ADGRG4: variants seen among roughly 807,000 people sequenced by gnomAD.
ADGRG4 encodes adhesion G protein-coupled receptor G4, also known as G protein-coupled receptor 112.
In ADGRG4, 122 loss-of-function variants were observed where a neutral mutation model predicts 126.2. The ratio of observed to expected loss-of-function variants is 0.97; its 90% confidence interval spans 0.83 to 1.12. The LOEUF is 1.12. Among genes scored for constraint, ADGRG4 ranks in the 50% most tolerant of loss-of-function variants. The pLI, the probability that ADGRG4 is intolerant of heterozygous loss-of-function variation, is 0.00. For missense variants in ADGRG4, 2,481 were observed against 2,251.8 expected, an observed-to-expected ratio of 1.10 and a Z score of -2.06; for synonymous variants, 943 against 838.7, an observed-to-expected ratio of 1.12 and a Z score of -2.15.
chrX:136,366,544 G>A (rs759406271), intron 13 of ADGRG4, among the ~76,000 whole-genome samples: 2 of 112,219 alleles, frequency 1.8e-5, no homozygotes, highest in African/African-American at 6.5e-5. Context: ...ACTCATTTGG[G>A]TAAAGAACAA....
At chrX:136,393,176 G>T (rs888225768) in intron 17 of ADGRG4, among the ~76,000 whole-genome samples, 1 of 111,679 alleles carries the variant, frequency 9.0e-6, no homozygotes, top group East Asian at 2.8e-4. Context: ...TGATCTCAGC[G>T]GTGAGCCCCG....
chrX:136,368,785 T>A (rs2148480053), intron 13 of ADGRG4, among the ~76,000 whole-genome samples: 1 of 111,665 alleles, frequency 9.0e-6, no homozygotes, highest in South Asian at 3.7e-4. Flanking sequence ...AGTGAAGAGG[T>A]TTCAGTATCA....
intron 5 of ADGRG4, among the ~76,000 whole-genome samples, chrX:136,331,515 T>C (rs1408626198): frequency 8.9e-6 from 1 of 112,631 alleles, no homozygotes; most frequent in Admixed American, 9.4e-5. Context: ...ACAAAGTAGC[T>C]CTATCACTTT....
intron 5 of ADGRG4, among the ~76,000 whole-genome samples, chrX:136,326,495 C>T (rs1212745126): frequency 9.0e-6 from 1 of 111,617 alleles, no homozygotes. Context: ...TTCTTTTCAC[C>T]TCCCACCGTA....
chrX:136,318,657 G>A (rs2074820476), intron 4 of ADGRG4, among the ~76,000 whole-genome samples: 1 of 111,196 alleles, frequency 9.0e-6, no homozygotes, highest in Non-Finnish European at 1.9e-5. Context: ...TATGCTATGA[G>A]TGAGAAAAGC....
chrX:136,374,234 C>T (rs983767775), intron 15 of ADGRG4, among the ~76,000 whole-genome samples: 2 of 109,141 alleles, frequency 1.8e-5, no homozygotes, highest in East Asian at 2.9e-4. Context: ...AATATTCCAA[C>T]GACTGGGTAC....
intron 13 of ADGRG4, among the ~76,000 whole-genome samples, chrX:136,365,483 T>C (rs2148478434): frequency 8.9e-6 from 1 of 112,329 alleles, no homozygotes; most frequent in South Asian, 3.7e-4. Context: ...ATTTGACAGA[T>C]ATTTCTTTTC....
At chrX:136,302,362 A>G (rs961114177) in intron 1 of ADGRG4, among the ~76,000 whole-genome samples, 2 of 111,828 alleles carry the variant, frequency 1.8e-5, no homozygotes. Flanking sequence ...ATGGGAGTTC[A>G]CTCATAATTT....
chrX:136,331,840 G>A (rs1179854269), intron 5 of ADGRG4, among the ~76,000 whole-genome samples: 5 of 100,640 alleles, frequency 5.0e-5, no homozygotes, highest in African/African-American at 7.3e-5. Flanking sequence ...TTTTTGAGGC[G>A]GAGTCCGGCT....
chrX:136,370,891 C>CTT (rs199659875), intron 13 of ADGRG4, among the ~76,000 whole-genome samples: 7 of 109,626 alleles, frequency 6.4e-5, no homozygotes, highest in African/African-American at 2.3e-4. Context: ...TCCATATTTG[C>CTT]TTTTTTTTTC....
At chrX:136,341,460 C>T (rs5974593) in intron 5 of ADGRG4, among the ~76,000 whole-genome samples, 53,104 of 110,849 alleles carry the variant, frequency 0.48, 9,310 homozygotes, top group Middle Eastern at 0.59. Flanking sequence ...GACACTTTCA[C>T]GGAGGTTTGC....
At chrX:136,303,210 C>T (rs1265105118) in intron 1 of ADGRG4, among the ~76,000 whole-genome samples, 10 of 111,451 alleles carry the variant, frequency 9.0e-5, no homozygotes, top group African/African-American at 6.5e-5. Flanking sequence ...GTCCCAGCTA[C>T]TCTGGAGGCT....
chrX:136,395,384 C>T lies in ADGRG4; in HGVS notation c.8081-6C>T, dbSNP rs764065307. 6 of 1,151,447 alleles carry T rather than the reference C, an allele frequency of 5.2e-6. No homozygotes were observed. Among genetic ancestry groups the T allele is most frequent in the Non-Finnish European group, 5.9e-6 (5 of 845,802 alleles). The allele number at this position is 1,151,447 out of a possible 1,213,427, so 94.9% of individuals were successfully genotyped here. On this transcript the variant is annotated splice_region_variant and splice_polypyrimidine_tract_variant and intron_variant, in intron 18 of 25. Coordinates refer to ENST00000394143, the MANE Select transcript of ADGRG4 (RefSeq NM_153834.4). ...TTGCTTTGAAATTTCCTTCTGTCTC[C>T]TACAGATGGGCTGGGTGGATGGAAT...
chrX:136,381,748 T>C (rs2075265184), intron 15 of ADGRG4, among the ~76,000 whole-genome samples: 1 of 110,921 alleles, frequency 9.0e-6, no homozygotes, highest in Non-Finnish European at 1.9e-5. Flanking sequence ...TTAACTTACA[T>C]GATCACAAGG....
intron 5 of ADGRG4, among the ~76,000 whole-genome samples, chrX:136,335,572 T>G (rs182911775): frequency 9.0e-6 from 1 of 111,730 alleles, no homozygotes; most frequent in East Asian, 2.8e-4. Flanking sequence ...GATTGTCTAT[T>G]TCCTCTTGAT....
At chrX:136,368,233 G>A (rs771481752) in intron 13 of ADGRG4, among the ~76,000 whole-genome samples, 2 of 112,367 alleles carry the variant, frequency 1.8e-5, no homozygotes, top group African/African-American at 6.5e-5. Flanking sequence ...CTATATAAAG[G>A]AGATAATGTG....
At chrX:136,398,034 T>C (rs1309271748) in intron 20 of ADGRG4, 32 bp downstream of exon 20, 1 of 1,177,436 alleles carries the variant, frequency 8.5e-7, no homozygotes, top group East Asian at 3.0e-5. Context: ...CTGAGCACAT[T>C]TAATTTGGTT....
intron 4 of ADGRG4, among the ~76,000 whole-genome samples, chrX:136,319,940 C>T (rs2074830232): frequency 8.9e-6 from 1 of 111,793 alleles, no homozygotes; most frequent in Admixed American, 9.5e-5. Context: ...TCCCTAATCT[C>T]ACACCTAAAG....
At chrX:136,303,396 T>A (rs1407635785) in intron 1 of ADGRG4, among the ~76,000 whole-genome samples, 3 of 111,678 alleles carry the variant, frequency 2.7e-5, no homozygotes, top group Non-Finnish European at 5.6e-5. Flanking sequence ...GAGGCTGCAG[T>A]GAACCTTGAT....
Sources: allele counts gnomAD v4.1 joint callset (sites outside exome capture counted in the v4.1 genomes callset), GRCh38; gene constraint gnomAD v4.1.1; transcripts MANE v1.5; gene names NCBI Gene and HGNC (gene_info 2026-07-23, HGNC 2026-07-21).